The following BMPR1A variants were observed in gnomAD, a reference collection of about 807,000 sequenced individuals.
BMPR1A encodes the protein bone morphogenetic protein receptor type 1A.
BMPR1A carries 7 observed loss-of-function variants against 66.0 expected under a neutral mutation model. The ratio of observed to expected loss-of-function variants is 0.11; its 90% CI spans 0.06 to 0.20. The LOEUF (loss-of-function observed/expected upper bound fraction) is 0.20. Ranked by LOEUF, BMPR1A falls within the 10% of genes least tolerant of loss-of-function variation. The probability of loss-of-function intolerance (pLI) is 1.00; values close to 1 mark genes in which losing one functional copy is unlikely to be tolerated. For synonymous variants in BMPR1A, 200 were observed against 229.7 expected, an observed-to-expected ratio of 0.87 and a Z score of 1.17; for missense variants, 408 against 669.1, an observed-to-expected ratio of 0.61 and a Z score of 4.31.
At chr10:86,757,396 C>G (rs1033653597) in intron 1 of BMPR1A, among the ~76,000 whole-genome samples, 1 of 152,190 alleles carries the variant, frequency 6.6e-6, no homozygotes, top group Admixed American at 6.5e-5. Context: ...CCCTGGCCCC[C>G]GAGCTCCCGG....
intron 11 of BMPR1A, 94 bp from the exon 12 acceptor site, chr10:86,923,282 T>C: frequency 6.5e-7 from 1 of 1,540,236 alleles, no homozygotes; most frequent in Non-Finnish European, 8.9e-7. Flanking sequence ...TAAGAATCCG[T>C]TTTAGTTCCA....
intron 5 of BMPR1A, among the ~76,000 whole-genome samples, chr10:86,897,615 G>A (rs193039262): frequency 1.2e-4 from 19 of 152,228 alleles, no homozygotes; most frequent in African/African-American, 4.6e-4. Flanking sequence ...CTATAGAGCA[G>A]ATTTTTTTAA....
chr10:86,832,685 T>C (rs986392608), intron 1 of BMPR1A, among the ~76,000 whole-genome samples: 28 of 152,208 alleles, frequency 1.8e-4, no homozygotes, highest in African/African-American at 6.8e-4. Flanking sequence ...GCAGTATTTT[T>C]ACATTGGCTT....
At chr10:86,866,419 T>TTTTTTC in intron 2 of BMPR1A, among the ~76,000 whole-genome samples, 2 of 135,206 alleles carry the variant, frequency 1.5e-5, no homozygotes, top group African/African-American at 5.6e-5. Flanking sequence ...TTTTTTTTTT[T>TTTTTTC]TTTTTTTGAG....
chr10:86,878,666 A>G lies in BMPR1A; in HGVS notation c.67+2581A>G, dbSNP rs376235123. ...CTATTATCTGCATTTGAGGCAGGTAAAACGGGGAAAGGGTCAGCACTGGCC... is the reference window on the plus strand; with the variant it reads ...CTATTATCTGCATTTGAGGCAGGTAGAACGGGGAAAGGGTCAGCACTGGCC... On this transcript the variant is annotated intron_variant, in intron 3 of 12. Transcript: ENST00000372037. 6.6e-5 allele frequency among the ~76,000 whole-genome samples: 10 copies of G among 152,338 alleles called. No homozygotes were observed. The East Asian group carries it at 1.3e-3, about 21-fold the overall frequency.
At chr10:86,790,828 C>G (rs1841605729) in intron 1 of BMPR1A, among the ~76,000 whole-genome samples, 3 of 152,112 alleles carry the variant, frequency 2.0e-5, no homozygotes. Context: ...ATGCCGATAG[C>G]TACTGAACTG....
chr10:86,922,868 G>A (rs764109592), intron 11 of BMPR1A, among the ~76,000 whole-genome samples: 1 of 152,254 alleles, frequency 6.6e-6, no homozygotes, highest in Non-Finnish European at 1.5e-5. Context: ...TTTCCGGTAA[G>A]TTTTATATCC....
intron 2 of BMPR1A, among the ~76,000 whole-genome samples, chr10:86,851,402 C>T (rs897395049): frequency 4.6e-5 from 7 of 152,112 alleles, no homozygotes; most frequent in African/African-American, 1.4e-4. Flanking sequence ...TACATTGCTG[C>T]AAGATAAGTA....
intron 2 of BMPR1A, among the ~76,000 whole-genome samples, chr10:86,857,831 TA>T (rs1365503095): frequency 3.2e-4 from 46 of 141,862 alleles, no homozygotes; most frequent in African/African-American, 1.2e-3. Context: ...TTTTTTTTTT[TA>T]AATTAAATTG....
intron 1 of BMPR1A, among the ~76,000 whole-genome samples, chr10:86,832,178 T>C (rs962045570): frequency 6.6e-5 from 10 of 152,066 alleles, no homozygotes; most frequent in Admixed American, 2.0e-4. Context: ...TTAGAAATCA[T>C]TGAAAAAGGC....
intron 2 of BMPR1A, among the ~76,000 whole-genome samples, chr10:86,867,263 T>G (rs1465372367): frequency 6.6e-6 from 1 of 152,216 alleles, no homozygotes; most frequent in Non-Finnish European, 1.5e-5. Flanking sequence ...TGGATTTGAG[T>G]TGCTGAACCA....
At chr10:86,764,190 G>A (rs1044988852) in intron 1 of BMPR1A, among the ~76,000 whole-genome samples, 3 of 152,118 alleles carry the variant, frequency 2.0e-5, no homozygotes, top group Non-Finnish European at 4.4e-5. Context: ...AAGAGTATAG[G>A]GTCTTGAGTG....
At chr10:86,834,911 G>C (rs1842320156) in intron 1 of BMPR1A, among the ~76,000 whole-genome samples, 1 of 151,920 alleles carries the variant, frequency 6.6e-6, no homozygotes, top group African/African-American at 2.4e-5. Context: ...AGTGTTTGCA[G>C]TATTTGTACA....
In BMPR1A at chr10:86,919,156, C is replaced by T. The variant is rs1843620381; in HGVS notation, c.869-16C>T. ...CTCTGATGATAACTAACCTTTTAAACTCATCAACTGGACAGGTTTCATAGC... is the reference window on the plus strand; with the variant it reads ...CTCTGATGATAACTAACCTTTTAAATTCATCAACTGGACAGGTTTCATAGC... On this transcript the variant is annotated splice_polypyrimidine_tract_variant and intron_variant, in intron 9 of 12. Transcript: ENST00000372037. The T allele has an allele frequency of 5.0e-6, 8 of 1,613,800 alleles. No individual in the cohort carries two copies. Among genetic ancestry groups the T allele is most frequent in the Non-Finnish European group, 5.9e-6 (7 of 1,179,726 alleles).
At chr10:86,756,005 C>T (rs914212772), upstream of BMPR1A, 1 of 152,268 alleles carries the variant, frequency 6.6e-6, no homozygotes, top group Non-Finnish European at 1.5e-5. Context: ...TTATATTTTT[C>T]TTTGTCGCAA....
chr10:86,808,677 A>G (rs1841924823), intron 1 of BMPR1A, among the ~76,000 whole-genome samples: 1 of 152,232 alleles, frequency 6.6e-6, no homozygotes, highest in African/African-American at 2.4e-5. Flanking sequence ...TTCAGTTACA[A>G]TGTGGGTGAA....
Position 86,927,080 on chromosome 10 carries a change from A to G in BMPR1A, c.*3361A>G, listed in dbSNP as rs560213293. The G allele has an allele frequency of 7.0e-5, 13 of 186,108 alleles. No individual in the cohort carries two copies. The highest frequency in any genetic ancestry group is 2.8e-4 in the African/African-American group (12 of 42,798). 11.5% of individuals were successfully genotyped at this position (186,108 alleles called of 1,614,324 possible). A position where few individuals can be genotyped will look rare whatever the true frequency, so the allele number is the denominator to read the frequency against. On this transcript the variant is annotated 3_prime_UTR_variant, in exon 13 of 13. Transcript: ENST00000372037. The stretch of plus-strand genomic sequence containing the variant: ...TGTTTCTAAACTTAGAAAGTGACCT[A>G]TAGTTTTTTAAAATTATGTTTTCCT...
chr10:86,900,985 A>T (rs1843300193), intron 7 of BMPR1A, among the ~76,000 whole-genome samples: 1 of 152,230 alleles, frequency 6.6e-6, no homozygotes, highest in Non-Finnish European at 1.5e-5. Context: ...GACAAATAGG[A>T]TATGGCAAAA....
At chr10:86,881,041 A>C (rs1564711945) in intron 3 of BMPR1A, among the ~76,000 whole-genome samples, 1 of 152,126 alleles carries the variant, frequency 6.6e-6, no homozygotes. Context: ...TTAAAAAAAA[A>C]ATAGTTTGAG....
Sources: allele counts gnomAD v4.1 joint callset (sites outside exome capture counted in the v4.1 genomes callset), GRCh38; gene constraint gnomAD v4.1.1; transcripts MANE v1.5; gene names NCBI Gene and HGNC (gene_info 2026-07-23, HGNC 2026-07-21).